The following PTCD3 variants were observed in gnomAD, a reference collection of about 807,000 sequenced individuals.
PTCD3 encodes pentatricopeptide repeat domain 3, also known as small ribosomal subunit protein mS39.
Under a neutral mutation model 101.9 loss-of-function variants are expected in PTCD3, and 89 were observed. The observed-to-expected ratio is 0.87, with a 90% CI of 0.74 to 1.04. The LOEUF (loss-of-function observed/expected upper bound fraction) is 1.04. Ranked by LOEUF, PTCD3 falls within the 50% of genes least tolerant of loss-of-function variation. The probability of loss-of-function intolerance (pLI) is 0.00; values close to 1 mark genes in which losing one functional copy is unlikely to be tolerated. For missense variants in PTCD3, 870 were observed against 828.2 expected (o/e 1.05, Z -0.62); for synonymous variants, 296 against 278.5 (o/e 1.06, Z -0.63).
At chr2:86,119,140 T>G in intron 7 of PTCD3, 96 bp downstream of exon 7, 1 of 1,461,800 alleles carries the variant, frequency 6.8e-7, no homozygotes, top group Non-Finnish European at 9.4e-7. Context: ...TTACAGGTCC[T>G]GCTGTACTTA....
chr2:86,136,026 A>C (rs1244733323), intron 21 of PTCD3: 1 of 519,154 alleles, frequency 1.9e-6, no homozygotes, highest in Admixed American at 1.9e-5. Context: ...ACAGAATTCT[A>C]AGACAGACTG....
intron 9 of PTCD3, 131 bp from the exon 10 acceptor site, chr2:86,124,864 T>C: frequency 7.8e-7 from 1 of 1,283,632 alleles, no homozygotes; most frequent in Non-Finnish European, 1.0e-6. Flanking sequence ...CATAATACCC[T>C]GTAAGAATTG....
rs571746045 is a variant in PTCD3, at chr2:86,134,836, C to T, written c.1630-3C>T. ...CAGTTCTGCTGACTCCTAAGCTTCT[C>T]AGCTTCAGGTGGCATTTGCTGACTG... On this transcript the variant is annotated splice_region_variant and splice_polypyrimidine_tract_variant and intron_variant, in intron 20 of 23. Transcript: ENST00000254630. The T allele has an allele frequency of 1.1e-4, 178 of 1,613,978 alleles. No homozygotes were observed. The highest frequency in any genetic ancestry group is 1.1e-3 in the South Asian group (97 of 91,074).
At chr2:86,111,371 A>G (rs1463331305) in intron 4 of PTCD3, among the ~76,000 whole-genome samples, 1 of 151,980 alleles carries the variant, frequency 6.6e-6, no homozygotes, top group Non-Finnish European at 1.5e-5. Context: ...GGTGGATCAC[A>G]AGGTCAGGAG....
At chr2:86,106,467 C>T in intron 1 of PTCD3, 116 bp downstream of exon 1, 1 of 1,026,070 alleles carries the variant, frequency 9.7e-7, no homozygotes, top group African/African-American at 1.6e-5. Flanking sequence ...GCGCCCTTAA[C>T]GGTCGCGTGC....
intron 10 of PTCD3, 108 bp downstream of exon 10, chr2:86,125,190 G>A: frequency 1.3e-6 from 2 of 1,485,396 alleles, no homozygotes; most frequent in Non-Finnish European, 1.8e-6. Context: ...GGTCTGTCCT[G>A]TGCATTGTAG....
chr2:86,121,608 G>T lies in PTCD3; in HGVS notation c.654+14G>T, dbSNP rs775882974. 50 of 1,529,670 alleles carry T rather than the reference G, an allele frequency of 3.3e-5. No individual in the cohort carries two copies. The highest frequency in any genetic ancestry group is 4.2e-5 in the Non-Finnish European group (47 of 1,129,908). The allele number at this position is 1,529,670 out of a possible 1,614,324, so 94.8% of individuals were successfully genotyped here. A position where few individuals can be genotyped will look rare whatever the true frequency, so the allele number is the denominator to read the frequency against. On this transcript the variant is annotated intron_variant, in intron 8 of 23. Transcript: ENST00000254630. ...TCAGAAGCATTGGTAATAACTGTTG[G>T]CCTTGATTTTTTTTTTTCCTTAAGC...
At chr2:86,134,767 C>G (rs2104462554) in intron 20 of PTCD3, 72 bp from the exon 21 acceptor site, 1 of 1,522,300 alleles carries the variant, frequency 6.6e-7, no homozygotes, top group Middle Eastern at 2.3e-4. Flanking sequence ...TTTAAGGATC[C>G]TGTGTTAGTC....
In PTCD3 at chr2:86,133,174, A is replaced by T; in HGVS notation, c.1374-4A>T. On this transcript the variant is annotated splice_polypyrimidine_tract_variant and splice_region_variant and intron_variant, in intron 17 of 23. Coordinates refer to ENST00000254630, the MANE Select transcript of PTCD3 (RefSeq NM_017952.6). The stretch of plus-strand genomic sequence containing the variant: ...ACTAAACATACTTTTTGCCTTCATC[A>T]CAGTTCCAAGTTCTTCGATTTGATT... The T allele has an allele frequency of 6.2e-7, 1 of 1,612,628 alleles. No homozygotes were observed. The highest frequency in any genetic ancestry group is 8.5e-7 in the Non-Finnish European group (1 of 1,179,572).
intron 3 of PTCD3, among the ~76,000 whole-genome samples, chr2:86,110,305 C>T (rs1674053171): frequency 6.6e-6 from 1 of 152,180 alleles, no homozygotes; most frequent in African/African-American, 2.4e-5. Context: ...ATATTATGTA[C>T]ATCAGGGAAT....
At position 86,116,613 on chromosome 2, in the gene PTCD3, A is replaced by G. The variant is rs762783156; in HGVS notation, c.309+15A>G. On this transcript the variant is annotated intron_variant, in intron 5 of 23. Transcript: ENST00000254630. Reference sequence around the variant, plus strand: ...CTTTGGAATCTGTGAGTATTTTCATATAATTTTCTAGTGTTTTATCTCTCT... The same window carrying G: ...CTTTGGAATCTGTGAGTATTTTCATGTAATTTTCTAGTGTTTTATCTCTCT... The G allele has an allele frequency of 1.9e-6, 3 of 1,578,860 alleles. No individual in the cohort carries two copies. Among genetic ancestry groups the G allele is most frequent in the Admixed American group, 1.7e-5 (1 of 59,932 alleles).
In PTCD3 at chr2:86,140,482, T is replaced by C. The variant is rs1002888237; in HGVS notation, c.*2923T>C. The C allele has an allele frequency of 1.3e-5, 2 of 152,210 alleles. No individual in the cohort carries two copies. Among genetic ancestry groups the C allele is most frequent in the Admixed American group, 6.5e-5 (1 of 15,278 alleles). The allele number at this position is 152,210 out of a possible 1,614,324, so 9.4% of individuals were successfully genotyped here. On this transcript the variant is annotated 3_prime_UTR_variant, in exon 24 of 24. Transcript: ENST00000254630. ...GATGGTGCATTTTTGCATTGCAGTATAGATCTGTGCATAGATATATGCATT... is the reference window on the plus strand; with the variant it reads ...GATGGTGCATTTTTGCATTGCAGTACAGATCTGTGCATAGATATATGCATT...
chr2:86,129,936 CATTA>C (rs3077186), intron 14 of PTCD3, among the ~76,000 whole-genome samples: 109,343 of 151,582 alleles, frequency 0.72, 41,820 homozygotes, highest in Non-Finnish European at 0.84. Context: ...CTGCCCTGTC[CATTA>C]ATTCTAGTTT....
chr2:86,137,108 A>C lies in PTCD3; in HGVS notation c.1947A>C (p.Val649=). 5 of 1,596,676 alleles carry C rather than the reference A, an allele frequency of 3.1e-6. No homozygotes were observed. The highest frequency in any genetic ancestry group is 4.3e-6 in the Non-Finnish European group (5 of 1,172,882). Residue 649 remains valine (V), a synonymous_variant, in exon 23 of 24, where the codon GTA becomes GTC. Transcript: ENST00000254630. ...TTTGTGAGGGCCTCACCCAGAGAGT[A>C]ATGAGTGATTTTGCAATCAACCAGG... is the stretch of plus-strand genomic sequence containing the variant. ...LPICEGLTQR[V]MSDFAINQEQ...
In PTCD3 at chr2:86,108,441, A is replaced by G. The variant is rs375930719; in HGVS notation, c.157+39A>G. The G allele has an allele frequency of 6.3e-6, 10 of 1,592,522 alleles. No individual in the cohort carries two copies. In the African/African-American group the frequency reaches 1.2e-4, roughly 19 times the overall value. On this transcript the variant is annotated intron_variant, in intron 2 of 23. Coordinates refer to ENST00000254630, the MANE Select transcript of PTCD3 (RefSeq NM_017952.6). The stretch of plus-strand genomic sequence containing the variant: ...TATATTGAATTCTATTTTTATATCA[A>G]CACGTTGGATTCCATTGTAGTACTA...
At chr2:86,129,912 G>A (rs1380907379) in intron 14 of PTCD3, among the ~76,000 whole-genome samples, 3 of 132,880 alleles carry the variant, frequency 2.3e-5, no homozygotes, top group African/African-American at 7.7e-5. Flanking sequence ...CTCAGTTCAT[G>A]TTATATTTAA....
At chr2:86,134,426 C>T (rs367918865) in intron 20 of PTCD3, 49 bp downstream of exon 20, 2 of 1,470,980 alleles carry the variant, frequency 1.4e-6, no homozygotes. Context: ...CTGAGGTCTT[C>T]TTAAGGCTAG....
At position 86,118,941 on chromosome 2, in the gene PTCD3, T is replaced by C. The variant is rs1232061172; in HGVS notation, c.435T>C (p.Phe145=). 4 of 1,613,610 alleles carry C rather than the reference T, an allele frequency of 2.5e-6. No individual in the cohort carries two copies. In the East Asian group the frequency reaches 8.9e-5, roughly 36 times the overall value. The change falls in exon 7 of 24, where the codon TTT becomes TTC. Residue 145 remains phenylalanine, a synonymous_variant. Coordinates refer to ENST00000254630, the MANE Select transcript of PTCD3 (RefSeq NM_017952.6). ...CCTAGTGTTTAATGCCTGAGTACTT[T>C]GAACCTCAGATCAAAGACATAAGTG... The part of the protein sequence containing the change: ...PHIPCLMPEY[F]EPQIKDISEA...
intron 3 of PTCD3, among the ~76,000 whole-genome samples, chr2:86,109,651 A>G (rs1004223668): frequency 6.6e-6 from 1 of 152,232 alleles, no homozygotes; most frequent in Non-Finnish European, 1.5e-5. Context: ...CAGAATCAGA[A>G]TTGGAAATGT....
Sources: allele counts gnomAD v4.1 joint callset (sites outside exome capture counted in the v4.1 genomes callset), GRCh38; gene constraint gnomAD v4.1.1; transcripts MANE v1.5; gene names NCBI Gene and HGNC (gene_info 2026-07-23, HGNC 2026-07-21).